The following FIGN variants were observed in gnomAD, a reference collection of about 807,000 sequenced individuals.
The protein encoded by FIGN is fidgetin, microtubule severing factor.
Under a neutral mutation model 51.3 loss-of-function variants are expected in FIGN, and 11 were observed. The ratio of observed to expected loss-of-function variants is 0.21; its 90% confidence interval spans 0.13 to 0.35. FIGN has a LOEUF of 0.35. FIGN is among the 10% of genes least tolerant of loss of function. FIGN has a pLI of 1.00. For missense variants in FIGN, 857 were observed against 943.6 expected (o/e 0.91, Z 1.20); for synonymous variants, 407 against 363.2 (o/e 1.12, Z -1.37).
At chr2:163,680,712 C>A (rs1684048906) in intron 2 of FIGN, among the ~76,000 whole-genome samples, 1 of 152,064 alleles carries the variant, frequency 6.6e-6, no homozygotes, top group South Asian at 2.1e-4. Flanking sequence ...TCCCCCCAAT[C>A]TTCCCCCTCC....
chr2:163,632,472 T>A (rs1391667666), intron 2 of FIGN, among the ~76,000 whole-genome samples: 2 of 152,210 alleles, frequency 1.3e-5, no homozygotes, highest in African/African-American at 4.8e-5. Context: ...CAGCTGGCAC[T>A]TGGCTTCACC....
At chr2:163,647,396 C>A (rs1305052250) in intron 2 of FIGN, among the ~76,000 whole-genome samples, 1 of 152,050 alleles carries the variant, frequency 6.6e-6, no homozygotes, top group Non-Finnish European at 1.5e-5. Context: ...ATCAAAGCAC[C>A]AAAGAACTTT....
intron 2 of FIGN, among the ~76,000 whole-genome samples, chr2:163,647,678 A>G (rs12469260): frequency 6.6e-6 from 1 of 152,162 alleles, no homozygotes; most frequent in Non-Finnish European, 1.5e-5. Context: ...CAAACTTTAT[A>G]AAACAAGAGG....
intron 2 of FIGN, among the ~76,000 whole-genome samples, chr2:163,685,219 A>G (rs920176530): frequency 1.3e-5 from 2 of 152,128 alleles, no homozygotes. Context: ...CTTTTTTACA[A>G]TTAGACTTTG....
chr2:163,635,025 G>C (rs1683204633), intron 2 of FIGN, among the ~76,000 whole-genome samples: 12 of 152,086 alleles, frequency 7.9e-5, no homozygotes, highest in Admixed American at 7.9e-4. Context: ...ACATAGAAAA[G>C]TCACTATTTA....
intron 2 of FIGN, among the ~76,000 whole-genome samples, chr2:163,656,871 C>A (rs1489591333): frequency 6.6e-6 from 1 of 152,070 alleles, no homozygotes; most frequent in Non-Finnish European, 1.5e-5. Flanking sequence ...ACCTTTAGAG[C>A]CCAGGAAAAA....
intron 2 of FIGN, among the ~76,000 whole-genome samples, chr2:163,642,907 A>C (rs1389299344): frequency 6.6e-6 from 1 of 152,228 alleles, no homozygotes; most frequent in African/African-American, 2.4e-5. Flanking sequence ...AATGGAAAAA[A>C]TATCTCATGC....
At chr2:163,648,576 G>A (rs1052948157) in intron 2 of FIGN, among the ~76,000 whole-genome samples, 5 of 152,134 alleles carry the variant, frequency 3.3e-5, no homozygotes, top group South Asian at 2.1e-4. Flanking sequence ...GCATGAGTGC[G>A]TTTTTCTAGA....
rs1470125063 is a variant in FIGN at position 163,617,040 on chromosome 2, C to T, written c.26-5234G>A. On this transcript the variant is annotated intron_variant, in intron 2 of 2. Transcript: ENST00000333129. ...TGACCAAATGAAATGTTTGAGGAGACTAATGCAGCCTTGTCTACTCATCCT... is the reference window on the plus strand; with the variant it reads ...TGACCAAATGAAATGTTTGAGGAGATTAATGCAGCCTTGTCTACTCATCCT... 3.4e-6 allele frequency: 3 copies of T among 894,004 alleles called. No individual in the cohort carries two copies. In the Admixed American group the frequency reaches 1.9e-4, roughly 56 times the overall value. 55.4% of individuals were successfully genotyped at this position (894,004 alleles called of 1,614,324 possible). A position where few individuals can be genotyped will look rare whatever the true frequency, so the allele number is the denominator to read the frequency against.
intron 2 of FIGN, chr2:163,617,065 T>G: frequency 1.0e-6 from 1 of 979,412 alleles, no homozygotes; most frequent in African/African-American, 1.7e-5. Flanking sequence ...CTACTCATCC[T>G]CATAAGCCAA....
intron 2 of FIGN, among the ~76,000 whole-genome samples, chr2:163,655,770 TAAAC>T (rs2105324143): frequency 6.8e-6 from 1 of 147,190 alleles, no homozygotes; most frequent in Admixed American, 6.7e-5. Context: ...ACTACATACA[TAAAC>T]ACACACACAC....
intron 2 of FIGN, among the ~76,000 whole-genome samples, chr2:163,681,298 G>A (rs2105339235): frequency 6.6e-6 from 1 of 152,256 alleles, no homozygotes; most frequent in East Asian, 1.9e-4. Flanking sequence ...TGCATAGGCT[G>A]GAATGGTCCT....
intron 2 of FIGN, among the ~76,000 whole-genome samples, chr2:163,685,391 T>A (rs1684131520): frequency 6.6e-6 from 1 of 152,200 alleles, no homozygotes; most frequent in South Asian, 2.1e-4. Context: ...ACTTTAATAA[T>A]CTCTCAGACA....
At chr2:163,687,291 C>T (rs1170733115) in intron 2 of FIGN, among the ~76,000 whole-genome samples, 1 of 152,124 alleles carries the variant, frequency 6.6e-6, no homozygotes, top group Non-Finnish European at 1.5e-5. Context: ...CAGTAGCCAG[C>T]AAGACAAACA....
chr2:163,679,026 A>G (rs1038428014), intron 2 of FIGN, among the ~76,000 whole-genome samples: 8 of 152,224 alleles, frequency 5.3e-5, no homozygotes, highest in Non-Finnish European at 7.4e-5. Flanking sequence ...GTCTTTGGCT[A>G]CTTAGTAATT....
chr2:163,658,094 G>A (rs1683591282), intron 2 of FIGN, among the ~76,000 whole-genome samples: 1 of 152,190 alleles, frequency 6.6e-6, no homozygotes, highest in African/African-American at 2.4e-5. Flanking sequence ...CCACAACTCT[G>A]TTTTTTGGGA....
chr2:163,658,827 C>T, intron 2 of FIGN, among the ~76,000 whole-genome samples: 1 of 152,180 alleles, frequency 6.6e-6, no homozygotes, highest in East Asian at 1.9e-4. Context: ...AAACCATATC[C>T]AAACCACAGT....
intron 2 of FIGN, among the ~76,000 whole-genome samples, chr2:163,698,074 CT>C (rs753100250): frequency 8.8e-4 from 134 of 152,260 alleles, no homozygotes; most frequent in Non-Finnish European, 1.3e-3. Flanking sequence ...GAAAGATGTG[CT>C]TTTGAATTCT....
At chr2:163,644,875 T>C (rs1683358766) in intron 2 of FIGN, among the ~76,000 whole-genome samples, 1 of 152,158 alleles carries the variant, frequency 6.6e-6, no homozygotes, top group South Asian at 2.1e-4. Flanking sequence ...AAAGCAAATC[T>C]ATAGAAATAG....
Sources: allele counts gnomAD v4.1 joint callset (sites outside exome capture counted in the v4.1 genomes callset), GRCh38; gene constraint gnomAD v4.1.1; transcripts MANE v1.5; gene names NCBI Gene and HGNC (gene_info 2026-07-23, HGNC 2026-07-21).